ZNF284: variants seen among roughly 807,000 people sequenced by gnomAD.
ZNF284 encodes zinc finger protein 284.
In ZNF284, 12 loss-of-function variants were observed where a neutral mutation model predicts 12.9. The observed-to-expected ratio is 0.93, with a 90% CI of 0.60 to 1.51. The LOEUF (loss-of-function observed/expected upper bound fraction) is 1.51, where lower values mean the gene tolerates loss of function less well. Among genes scored for constraint, ZNF284 ranks in the 40% most tolerant of loss-of-function variants. The pLI, the probability that ZNF284 is intolerant of heterozygous loss-of-function variation, is 0.00. For missense variants in ZNF284, 667 were observed against 707.3 expected (o/e 0.94, Z 0.65); for synonymous variants, 225 against 236.5 (o/e 0.95, Z 0.45).
At chr19:44,072,949 G>C (rs149552201) in intron 1 of ZNF284, among the ~76,000 whole-genome samples, 9 of 152,376 alleles carry the variant, frequency 5.9e-5, no homozygotes, top group African/African-American at 2.2e-4. Context: ...AGTTCCACGA[G>C]AGTGGTCCTT....
In ZNF284 at chr19:44,087,245, T is replaced by C; in HGVS notation, c.1767T>C (p.Phe589=). 2 of 1,551,764 alleles carry C rather than the reference T, an allele frequency of 1.3e-6. No homozygotes were observed. The highest frequency in any genetic ancestry group is 2.8e-5 in the African/African-American group (2 of 71,694). ...RLNLDMILSL[F]LNDI is the part of the protein sequence containing the mutation. ...ATCTAGATATGATTTTATCATTATT[T>C]TTAAATGATATATAATTATTGTCCA... The change falls in exon 5 of 5, where the codon TTT becomes TTC. Residue 589 remains phenylalanine (F), a synonymous_variant. Transcript: ENST00000421176.
intron 4 of ZNF284, among the ~76,000 whole-genome samples, chr19:44,083,474 T>TATAGAGAGAGAGAGAGAG (rs746837013): frequency 1.5e-5 from 1 of 64,926 alleles, no homozygotes; most frequent in Non-Finnish European, 3.4e-5. Context: ...TATATATATA[T>TATAGAGAGAGAGAGAGAG]AGAGAGAGAG....
chr19:44,075,057 G>A (rs79391899), intron 1 of ZNF284, among the ~76,000 whole-genome samples: 468 of 152,122 alleles, frequency 3.1e-3, no homozygotes, highest in Non-Finnish European at 5.2e-3. Context: ...TATCACATCT[G>A]TTAAAAAGCT....
At chr19:44,083,470 T>TAGAGAGAGAG (rs1282885377) in intron 4 of ZNF284, among the ~76,000 whole-genome samples, 3 of 64,508 alleles carry the variant, frequency 4.7e-5, no homozygotes, top group East Asian at 3.2e-4. Flanking sequence ...TATATATATA[T>TAGAGAGAGAG]ATATAGAGAG....
chr19:44,087,425 T>A lies in ZNF284; in HGVS notation c.*165T>A. The A allele has an allele frequency of 1.8e-6, 1 of 553,304 alleles. No individual in the cohort carries two copies. The highest frequency in any genetic ancestry group is 2.9e-6 in the Non-Finnish European group (1 of 338,996). 34.3% of individuals were successfully genotyped at this position (553,304 alleles called of 1,614,324 possible). Reference sequence around the variant, plus strand: ...CGTTCAAAAACTGCTGTTCTAGTTATTTGAAAATAAGTTATTATTAATTAT... The same window carrying A: ...CGTTCAAAAACTGCTGTTCTAGTTAATTGAAAATAAGTTATTATTAATTAT... On this transcript the variant is annotated 3_prime_UTR_variant, in exon 5 of 5. Transcript: ENST00000421176.
chr19:44,080,332 C>T (rs1409964280), intron 2 of ZNF284, among the ~76,000 whole-genome samples: 7 of 152,184 alleles, frequency 4.6e-5, no homozygotes, highest in Non-Finnish European at 8.8e-5. Context: ...TGTGGTGGCT[C>T]ATGCCTGTAA....
At chr19:44,081,883 A>C (rs963628999) in intron 3 of ZNF284, 130 bp from the exon 4 acceptor site, 3 of 651,138 alleles carry the variant, frequency 4.6e-6, no homozygotes, top group Non-Finnish European at 7.9e-6. Flanking sequence ...GGGAACTACA[A>C]TTCAAGATGA....
intron 4 of ZNF284, among the ~76,000 whole-genome samples, chr19:44,084,966 T>A (rs1967205597): frequency 6.6e-6 from 1 of 152,114 alleles, no homozygotes; most frequent in Admixed American, 6.5e-5. Context: ...GTCGAGGGCC[T>A]CTCTCATGGC....
At chr19:44,083,450 A>ATT (rs1967159140) in intron 4 of ZNF284, among the ~76,000 whole-genome samples, 1 of 60,356 alleles carries the variant, frequency 1.7e-5, no homozygotes, top group Non-Finnish European at 4.0e-5. Flanking sequence ...TAAATAAAGA[A>ATT]ATATATATAT....
chr19:44,076,262 C>T (rs1360526832), intron 1 of ZNF284, 60 bp from the exon 2 acceptor site: 1 of 837,780 alleles, frequency 1.2e-6, no homozygotes, highest in Non-Finnish European at 1.9e-6. Flanking sequence ...TGTTGGGTGG[C>T]ATCACTGACC....
chr19:44,086,446 G>C lies in ZNF284; in HGVS notation c.968G>C (p.Ser323Thr), dbSNP rs1967248766. 1.2e-6 allele frequency: 2 copies of C among 1,614,164 alleles called. No homozygotes were observed. The highest frequency in any genetic ancestry group is 1.3e-5 in the African/African-American group (1 of 75,056). ...TTTAGATGTGATACCTGTAGTAATA[G>C]CTTTGGTCAGAGATCAGCACTTAAT... ...KSFRCDTCSN[S>T]FGQRSALNSH... Residue 323 changes from serine to threonine, a missense_variant, in exon 5 of 5, where the codon AGC becomes ACC. Coordinates refer to ENST00000421176, the MANE Select transcript of ZNF284 (RefSeq NM_001037813.4).
chr19:44,079,353 C>A (rs952995286), intron 2 of ZNF284, among the ~76,000 whole-genome samples: 2 of 152,052 alleles, frequency 1.3e-5, no homozygotes, highest in African/African-American at 4.8e-5. Context: ...CAGCACTTTG[C>A]GGGGCTGAGG....
chr19:44,085,691 C>A (rs375837001), intron 4 of ZNF284, 23 bp from the exon 5 acceptor site: 165 of 1,577,730 alleles, frequency 1.0e-4, no homozygotes, highest in Non-Finnish European at 1.4e-4. Flanking sequence ...TTACCCACAT[C>A]TCTTAATTCT....
chr19:44,085,049 C>G (rs1287242340), intron 4 of ZNF284, among the ~76,000 whole-genome samples: 1 of 152,186 alleles, frequency 6.6e-6, no homozygotes, highest in Non-Finnish European at 1.5e-5. Flanking sequence ...GCACTAGGAG[C>G]CTTTCCCGGC....
Position 44,087,178 on chromosome 19 carries a change from C to A in ZNF284, c.1700C>A (p.Ser567Tyr), listed in dbSNP as rs751934522. The A allele has an allele frequency of 1.2e-6, 2 of 1,613,752 alleles. No individual in the cohort carries two copies. The highest frequency in any genetic ancestry group is 1.7e-6 in the Non-Finnish European group (2 of 1,179,770). The change falls in exon 5 of 5, where the codon TCC becomes TAC. Residue 567 changes from serine to tyrosine, a missense_variant. Transcript: ENST00000421176. ...QQSDHSGEKTSKCEDCGKRYE... is the reference protein window; with the variant it reads ...QQSDHSGEKTYKCEDCGKRYE... ...AGCGACCACAGTGGAGAAAAAACAT[C>A]CAAATGTGAGGACTGTGGGAAGCGC...
intron 2 of ZNF284, among the ~76,000 whole-genome samples, chr19:44,077,449 A>G (rs1372461294): frequency 6.6e-6 from 1 of 151,796 alleles, no homozygotes; most frequent in East Asian, 1.9e-4. Flanking sequence ...CAGTTGCTCC[A>G]GCAACATTTA....
Position 44,086,906 on chromosome 19 carries a change from C to T in ZNF284, c.1428C>T (p.Leu476=). Residue 476 remains leucine (L), a synonymous_variant, in exon 5 of 5, where the codon CTC becomes CTT. Coordinates refer to ENST00000421176, the MANE Select transcript of ZNF284 (RefSeq NM_001037813.4). ...WASGILRHKR[L]HTGEKPFKCE... ...CAGGTATTTTGAGACATAAGAGACT[C>T]CATACTGGAGAAAAACCATTCAAAT... 6.2e-7 allele frequency: 1 copy of T among 1,614,034 alleles called. No homozygotes were observed. Among genetic ancestry groups the T allele is most frequent in the Non-Finnish European group, 8.5e-7 (1 of 1,179,988 alleles).
chr19:44,073,729 T>C (rs1183487735), intron 1 of ZNF284, among the ~76,000 whole-genome samples: 2 of 152,116 alleles, frequency 1.3e-5, no homozygotes, highest in Admixed American at 6.5e-5. Flanking sequence ...TTTGTAGTTT[T>C]AGTAGAGATG....
rs148830912 is a variant in ZNF284, at chr19:44,084,718, T to TTGTAACC, written c.236-995_236-989dup. ...ATACTGCTGGGTCTAACAGGCATTA[T>TTGTAACC]TGTAACCCTCTGGGTGGATGTGGGG... On this transcript the variant is annotated intron_variant, in intron 4 of 4. Coordinates refer to ENST00000421176, the MANE Select transcript of ZNF284 (RefSeq NM_001037813.4). Among the ~76,000 whole-genome samples the TTGTAACC allele has an allele frequency of 4.8e-4, 73 of 152,256 alleles. No individual in the cohort carries two copies. The East Asian group carries it at 0.012, about 25-fold the overall frequency.
Sources: gnomAD v4.1 joint callset for allele counts (sites outside exome capture counted in the v4.1 genomes callset) on GRCh38, gnomAD v4.1.1 for gene constraint, MANE v1.5 for transcripts, NCBI Gene and HGNC (gene_info 2026-07-23, HGNC 2026-07-21) for gene names.